Variants in HS6ST1 observed in about 807,000 individuals in gnomAD.
HS6ST1 encodes heparan sulfate 6-O-sulfotransferase 1, also known as heparan-sulfate 6-O-sulfotransferase 1.
Under a neutral mutation model 25.2 loss-of-function variants are expected in HS6ST1, and 3 were observed. The observed-to-expected ratio is 0.12, with a 90% CI of 0.05 to 0.31. HS6ST1 has a LOEUF of 0.31. Ranked by LOEUF, HS6ST1 falls within the 10% of genes least tolerant of loss-of-function variation. The probability of loss-of-function intolerance (pLI) is 1.00; values close to 1 mark genes in which losing one functional copy is unlikely to be tolerated. For synonymous variants in HS6ST1, 204 were observed against 275.1 expected (o/e 0.74, Z 2.56); for missense variants, 310 against 609.6 (o/e 0.51, Z 5.18).
chr2:128,275,946 G>T (rs917159462), intron 1 of HS6ST1, among the ~76,000 whole-genome samples: 2 of 152,076 alleles, frequency 1.3e-5, no homozygotes, highest in Non-Finnish European at 2.9e-5. Flanking sequence ...TCACCTCCAC[G>T]GTGGCATACT....
intron 1 of HS6ST1, among the ~76,000 whole-genome samples, chr2:128,314,805 G>A (rs1021611696): frequency 2.0e-5 from 3 of 152,246 alleles, no homozygotes; most frequent in African/African-American, 7.2e-5. Flanking sequence ...TGGCCCAGAT[G>A]CCACACTTGG....
chr2:128,270,225 G>A (rs1693591027), intron 1 of HS6ST1, among the ~76,000 whole-genome samples: 1 of 152,212 alleles, frequency 6.6e-6, no homozygotes, highest in South Asian at 2.1e-4. Context: ...CTCAGACCCT[G>A]CCCTGGAGGA....
intron 1 of HS6ST1, among the ~76,000 whole-genome samples, chr2:128,284,737 C>A (rs944818826): frequency 6.6e-6 from 1 of 152,190 alleles, no homozygotes; most frequent in Non-Finnish European, 1.5e-5. Context: ...ATCCACCTGC[C>A]TCAGCCTCCC....
At chr2:128,316,925 A>C (rs1694373019) in intron 1 of HS6ST1, among the ~76,000 whole-genome samples, 1 of 152,166 alleles carries the variant, frequency 6.6e-6, no homozygotes, top group South Asian at 2.1e-4. Context: ...CTCTGGACCC[A>C]AGAGTGCCAG....
At chr2:128,296,309 G>A (rs1694039204) in intron 1 of HS6ST1, among the ~76,000 whole-genome samples, 1 of 152,250 alleles carries the variant, frequency 6.6e-6, no homozygotes, top group South Asian at 2.1e-4. Flanking sequence ...ACAAGGCAAA[G>A]ATGTCTACTT....
chr2:128,315,572 C>G (rs1336610473), intron 1 of HS6ST1, among the ~76,000 whole-genome samples: 3 of 152,184 alleles, frequency 2.0e-5, no homozygotes, highest in Non-Finnish European at 4.4e-5. Flanking sequence ...AGGGTGACAC[C>G]TGAGTCTCCT....
intron 1 of HS6ST1, among the ~76,000 whole-genome samples, chr2:128,307,785 G>A (rs959122731): frequency 6.6e-6 from 1 of 152,126 alleles, no homozygotes; most frequent in Non-Finnish European, 1.5e-5. Context: ...CGGGAACCAC[G>A]GGCACAGCAT....
intron 1 of HS6ST1, among the ~76,000 whole-genome samples, chr2:128,301,172 G>A (rs917473364): frequency 2.1e-4 from 32 of 150,560 alleles, no homozygotes; most frequent in African/African-American, 3.9e-4. Context: ...TGGGGTCGCC[G>A]GGGGCTGCAT....
intron 1 of HS6ST1, among the ~76,000 whole-genome samples, chr2:128,298,557 C>T (rs530129278): frequency 3.9e-5 from 6 of 152,206 alleles, no homozygotes; most frequent in South Asian, 2.1e-4. Flanking sequence ...CTAAGCCAGT[C>T]GTGAAAAGAC....
At chr2:128,289,766 A>G (rs2104923564) in intron 1 of HS6ST1, 1 of 152,370 alleles carries the variant, frequency 6.6e-6, no homozygotes, top group African/African-American at 2.4e-5. Context: ...TGGCAGGGAA[A>G]GAGAGGAAGC....
In HS6ST1 at chr2:128,266,246, C is replaced by T. The variant is rs1423647356; in HGVS notation, c.*1916G>A. ...GTGCAAGACCTCACAATCCCCTGAA[C>T]GTGTTCCTCCTCCTCCAAGGAGTGC... On this transcript the variant is annotated 3_prime_UTR_variant, in exon 2 of 2. Coordinates refer to ENST00000259241, the MANE Select transcript of HS6ST1 (RefSeq NM_004807.3). 4 of 152,298 alleles carry T rather than the reference C, an allele frequency of 2.6e-5. No homozygotes were observed. Among genetic ancestry groups the T allele is most frequent in the African/African-American group, 4.8e-5 (2 of 41,460 alleles). 9.4% of individuals were successfully genotyped at this position (152,298 alleles called of 1,614,324 possible). A position where few individuals can be genotyped will look rare whatever the true frequency, so the allele number is the denominator to read the frequency against.
intron 1 of HS6ST1, among the ~76,000 whole-genome samples, chr2:128,303,980 C>T (rs1431713902): frequency 1.3e-5 from 2 of 152,226 alleles, no homozygotes; most frequent in Non-Finnish European, 2.9e-5. Flanking sequence ...TCTCCTCTCT[C>T]TTCTGGAGCT....
chr2:128,281,620 C>T (rs182187040), intron 1 of HS6ST1, among the ~76,000 whole-genome samples: 27 of 152,308 alleles, frequency 1.8e-4, no homozygotes, highest in South Asian at 1.7e-3. Flanking sequence ...GTTTCCTTGG[C>T]GTTCCACCAG....
intron 1 of HS6ST1, among the ~76,000 whole-genome samples, chr2:128,308,131 C>T (rs142432633): frequency 9.2e-5 from 14 of 152,260 alleles, no homozygotes; most frequent in African/African-American, 3.1e-4. Flanking sequence ...ACATCTACAG[C>T]GAAAGCATAA....
chr2:128,307,098 T>G (rs887739294), intron 1 of HS6ST1, among the ~76,000 whole-genome samples: 6 of 151,928 alleles, frequency 3.9e-5, no homozygotes, highest in Admixed American at 2.0e-4. Flanking sequence ...TTTAGTTGGG[T>G]TTCCTTCCAA....
At chr2:128,281,428 C>A (rs541544175) in intron 1 of HS6ST1, among the ~76,000 whole-genome samples, 1 of 152,332 alleles carries the variant, frequency 6.6e-6, no homozygotes, top group Admixed American at 6.5e-5. Flanking sequence ...AGATGATGTG[C>A]AGCCAGGTGT....
chr2:128,282,460 G>A (rs1019746310), intron 1 of HS6ST1, among the ~76,000 whole-genome samples: 12 of 152,174 alleles, frequency 7.9e-5, no homozygotes, highest in Admixed American at 5.9e-4. Flanking sequence ...CCACCGGCCC[G>A]CGGCAGATGG....
intron 1 of HS6ST1, among the ~76,000 whole-genome samples, chr2:128,288,699 A>AACGATAACGTAC (rs11267620): frequency 6.6e-6 from 1 of 151,684 alleles, no homozygotes; most frequent in African/African-American, 2.4e-5. Flanking sequence ...AAACAAACAA[A>AACGATAACGTAC]ACAATCTAAT....
chr2:128,266,159 G>A lies in HS6ST1; in HGVS notation c.*2003C>T, dbSNP rs1368463917. Reference sequence around the variant, plus strand: ...CCCATGGTGAAGGTGAGGTCACCTTGAGCCAGGCCTCTGGCTGGGTGTCCA... The same window carrying A: ...CCCATGGTGAAGGTGAGGTCACCTTAAGCCAGGCCTCTGGCTGGGTGTCCA... On this transcript the variant is annotated 3_prime_UTR_variant, in exon 2 of 2. Transcript: ENST00000259241. 2.0e-5 allele frequency: 3 copies of A among 152,042 alleles called. No homozygotes were observed. Among genetic ancestry groups the A allele is most frequent in the Admixed American group, 1.3e-4 (2 of 15,264 alleles). The allele number at this position is 152,042 out of a possible 1,614,324, so 9.4% of individuals were successfully genotyped here. A position where few individuals can be genotyped will look rare whatever the true frequency, so the allele number is the denominator to read the frequency against.
Sources: gnomAD v4.1 joint callset for allele counts (sites outside exome capture counted in the v4.1 genomes callset) on GRCh38, gnomAD v4.1.1 for gene constraint, MANE v1.5 for transcripts, NCBI Gene and HGNC (gene_info 2026-07-23, HGNC 2026-07-21) for gene names.